The following POLH variants were observed in gnomAD, a reference collection of about 807,000 sequenced individuals.
The protein encoded by POLH is DNA polymerase eta.
A neutral mutation model predicts 73.6 loss-of-function variants in POLH; 53 were observed. The observed-to-expected ratio is 0.72, with a 90% CI of 0.58 to 0.91. The LOEUF (loss-of-function observed/expected upper bound fraction) is 0.91. Ranked by LOEUF, POLH falls within the 40% of genes least tolerant of loss-of-function variation. The pLI, the probability that POLH is intolerant of heterozygous loss-of-function variation, is 0.00. For synonymous variants in POLH, 292 were observed against 308.5 expected (o/e 0.95, Z 0.56); for missense variants, 768 against 865.4 (o/e 0.89, Z 1.41).
intron 1 of POLH, among the ~76,000 whole-genome samples, chr6:43,581,197 GCT>G (rs1439828891): frequency 2.0e-5 from 3 of 149,156 alleles, no homozygotes; most frequent in African/African-American, 7.5e-5. Flanking sequence ...GGGCAGAGAC[GCT>G]CCTCACCTCC....
intron 1 of POLH, among the ~76,000 whole-genome samples, chr6:43,576,893 C>T (rs1175249437): frequency 6.6e-6 from 1 of 152,210 alleles, no homozygotes; most frequent in Non-Finnish European, 1.5e-5. Flanking sequence ...CGGTGGCTCA[C>T]GCCTGTAATC....
Position 43,614,758 on chromosome 6 carries a change from A to G in POLH, c.*201A>G, listed in dbSNP as rs1221530679. ...AATCCCACTGCTGACAGAGATGTAA[A>G]AATTCATCCTACCAGAGTTTTTAAT... On this transcript the variant is annotated 3_prime_UTR_variant, in exon 11 of 11. Transcript: ENST00000372236. The G allele has an allele frequency of 1.8e-6, 1 of 557,008 alleles. No homozygotes were observed. The highest frequency in any genetic ancestry group is 2.5e-5 in the South Asian group (1 of 39,674). 34.5% of individuals were successfully genotyped at this position (557,008 alleles called of 1,614,324 possible).
chr6:43,599,916 T>A (rs1424727527), intron 5 of POLH, among the ~76,000 whole-genome samples: 1 of 152,056 alleles, frequency 6.6e-6, no homozygotes. Context: ...CCCAGCACTT[T>A]GGGATCCCGA....
At chr6:43,593,878 C>CA (rs768129925) in intron 4 of POLH, among the ~76,000 whole-genome samples, 4,294 of 84,308 alleles carry the variant, frequency 0.051, 129 homozygotes, top group African/African-American at 0.067. Flanking sequence ...GACTCCGTCT[C>CA]AAAAAAAAAA....
At position 43,597,728 on chromosome 6, in the gene POLH, C is replaced by T. The variant is rs1401579662; in HGVS notation, c.523C>T (p.Leu175Phe). The T allele has an allele frequency of 6.2e-7, 1 of 1,613,906 alleles. No homozygotes were observed. The highest frequency in any genetic ancestry group is 8.5e-7 in the Non-Finnish European group (1 of 1,179,942). Residue 175 changes from leucine to phenylalanine, a missense_variant, in exon 5 of 11, where the codon CTC becomes TTC. Coordinates refer to ENST00000372236, the MANE Select transcript of POLH (RefSeq NM_006502.3). ...GMRKQGLFQW[L>F]DSLQIDNLTS... ...GCGAAAACAAGGCTTATTTCAATGG[C>T]TCGATTCTCTTCAGATTGATAACCT...
chr6:43,592,505 G>A (rs1166027191), intron 4 of POLH, among the ~76,000 whole-genome samples: 3 of 149,244 alleles, frequency 2.0e-5, no homozygotes, highest in Non-Finnish European at 4.4e-5. Flanking sequence ...TCCACCTCCC[G>A]GGTTCACGCC....
chr6:43,590,459 T>C (rs1054893536), intron 4 of POLH, among the ~76,000 whole-genome samples: 3 of 151,722 alleles, frequency 2.0e-5, no homozygotes, highest in Non-Finnish European at 2.9e-5. Context: ...GTTTTTTTTT[T>C]GTTTTGGTTT....
At chr6:43,580,094 A>C (rs1233907301) in intron 1 of POLH, among the ~76,000 whole-genome samples, 16 of 149,840 alleles carry the variant, frequency 1.1e-4, no homozygotes, top group Non-Finnish European at 1.6e-4. Flanking sequence ...ACTTGAGATC[A>C]GGGATTGGTG....
At chr6:43,612,666 T>C (rs1449364989) in intron 10 of POLH, among the ~76,000 whole-genome samples, 1 of 151,718 alleles carries the variant, frequency 6.6e-6, no homozygotes, top group Non-Finnish European at 1.5e-5. Context: ...ATAATAACTT[T>C]AAAATGACAT....
At chr6:43,610,186 C>T (rs535815081) in intron 9 of POLH, among the ~76,000 whole-genome samples, 4 of 151,482 alleles carry the variant, frequency 2.6e-5, no homozygotes, top group African/African-American at 7.3e-5. Context: ...CTCAGCCTCC[C>T]GAGTAGCTGG....
chr6:43,578,363 C>T (rs1039138865), intron 1 of POLH: 21 of 418,498 alleles, frequency 5.0e-5, no homozygotes, highest in African/African-American at 3.8e-4. Context: ...CTCCAGCCTG[C>T]GCAACGAGAA....
chr6:43,604,739 G>A lies in POLH; in HGVS notation c.1008+1G>A. ...AACAGCTCTTGCTACTCGGGAACAG[G>A]TAAGCTGGCATTCTTGACAGAACAC... On this transcript the variant is annotated splice_donor_variant, in intron 8 of 10. Transcript: ENST00000372236. LOFTEE classifies it high-confidence loss of function. The A allele has an allele frequency of 1.2e-6, 2 of 1,614,064 alleles. No individual in the cohort carries two copies. Among genetic ancestry groups the A allele is most frequent in the Non-Finnish European group, 1.7e-6 (2 of 1,179,978 alleles).
At chr6:43,596,899 A>G (rs575042921) in intron 4 of POLH, among the ~76,000 whole-genome samples, 1 of 152,154 alleles carries the variant, frequency 6.6e-6, no homozygotes, top group South Asian at 2.1e-4. Context: ...TTATCAAGGG[A>G]ATAAATCTAG....
chr6:43,579,712 TTG>T (rs1491308635), intron 1 of POLH, among the ~76,000 whole-genome samples: 1 of 152,146 alleles, frequency 6.6e-6, no homozygotes, highest in Non-Finnish European at 1.5e-5. Flanking sequence ...GGGGGCAGTC[TTG>T]TGGGACTGAG....
Position 43,587,395 on chromosome 6 carries a change from A to G in POLH, c.396A>G (p.Leu132=), listed in dbSNP as rs1449546916. 6.2e-7 allele frequency: 1 copy of G among 1,614,126 alleles called. No homozygotes were observed. The highest frequency in any genetic ancestry group is 8.5e-7 in the Non-Finnish European group (1 of 1,180,038). The change falls in exon 4 of 11, where the codon CTA becomes CTG. Residue 132 remains leucine (L), a synonymous_variant. Transcript: ENST00000372236. ...TSAVQERLQK[L]QGQPISADLL... ...CTGTACAAGAGAGACTACAAAAGCTACAAGGTCAGCCTATCTCGGCAGACT... is the reference window on the plus strand; with the variant it reads ...CTGTACAAGAGAGACTACAAAAGCTGCAAGGTCAGCCTATCTCGGCAGACT...
intron 4 of POLH, among the ~76,000 whole-genome samples, chr6:43,590,154 C>T (rs1765285796): frequency 6.6e-6 from 1 of 151,466 alleles, no homozygotes; most frequent in Non-Finnish European, 1.5e-5. Flanking sequence ...GTCAGGAGTT[C>T]AAGACCAGCC....
At position 43,582,728 on chromosome 6, in the gene POLH, TG is replaced by T. The variant is rs55665454; in HGVS notation, c.138-272del. 4.7e-3 allele frequency among the ~76,000 whole-genome samples: 705 copies of T among 151,520 alleles called. 7 individuals are homozygous for T. The highest frequency in any genetic ancestry group is 0.016 in the African/African-American group (649 of 41,278). ...GGGGTGGGTAGAGATGGGGATTGGT[TG>T]GGGGGGCAGGGCTCACTATATTGCC... On this transcript the variant is annotated intron_variant, in intron 2 of 10. Coordinates refer to ENST00000372236, the MANE Select transcript of POLH (RefSeq NM_006502.3).
chr6:43,592,654 A>G (rs989148402), intron 4 of POLH, among the ~76,000 whole-genome samples: 1 of 152,030 alleles, frequency 6.6e-6, no homozygotes, highest in African/African-American at 2.4e-5. Flanking sequence ...TGACCTCGTG[A>G]TCTGCCCGCC....
Position 43,576,408 on chromosome 6 carries a change from T to A in POLH, c.-37T>A, listed in dbSNP as rs1763345051. ...CGAACCCAGCATTTTCGGCAACCGC[T>A]GCTGGCAGTTTTGCCAGGTGTTTGT... On this transcript the variant is annotated 5_prime_UTR_variant, in exon 1 of 11. Coordinates refer to ENST00000372236, the MANE Select transcript of POLH (RefSeq NM_006502.3). 2 of 152,324 alleles carry A rather than the reference T, an allele frequency of 1.3e-5. No individual in the cohort carries two copies. The highest frequency in any genetic ancestry group is 4.1e-4 in the South Asian group (2 of 4,842). 9.4% of individuals were successfully genotyped at this position (152,324 alleles called of 1,614,324 possible). A position where few individuals can be genotyped will look rare whatever the true frequency, so the allele number is the denominator to read the frequency against.
Sources: allele counts gnomAD v4.1 joint callset (sites outside exome capture counted in the v4.1 genomes callset), GRCh38; gene constraint gnomAD v4.1.1; transcripts MANE v1.5; gene names NCBI Gene and HGNC (gene_info 2026-07-23, HGNC 2026-07-21).